ATAD2B: variants seen among roughly 807,000 people sequenced by gnomAD.
The protein encoded by ATAD2B is ATPase family AAA domain containing 2B.
Under a neutral mutation model 167.6 loss-of-function variants are expected in ATAD2B, and 40 were observed. The observed-to-expected ratio is 0.24, with a 90% CI of 0.19 to 0.31. ATAD2B has a LOEUF of 0.31. ATAD2B is among the 10% of genes least tolerant of loss of function. The pLI is 1.00. For missense variants in ATAD2B, 1,242 were observed against 1,757.2 expected (o/e 0.71, Z 5.24); for synonymous variants, 579 against 596.5 (o/e 0.97, Z 0.43).
At chr2:23,856,951 G>A (rs749878414) in intron 13 of ATAD2B, among the ~76,000 whole-genome samples, 1 of 151,416 alleles carries the variant, frequency 6.6e-6, no homozygotes, top group South Asian at 2.1e-4. Context: ...GCTCACGCCT[G>A]TAATCTCGGC....
intron 1 of ATAD2B, among the ~76,000 whole-genome samples, chr2:23,909,525 T>C (rs1052001471): frequency 6.6e-6 from 1 of 151,948 alleles, no homozygotes; most frequent in Non-Finnish European, 1.5e-5. Context: ...ACATTGCACA[T>C]GTACCTATGG....
At chr2:23,717,394 A>G in the ATAD2B span, among the ~76,000 whole-genome samples, 2 of 152,190 alleles carry the variant, frequency 1.3e-5, no homozygotes, top group Non-Finnish European at 2.9e-5. Context: ...AACCAGCCCA[A>G]GGCTTCTTCC....
the ATAD2B span, among the ~76,000 whole-genome samples, chr2:23,714,277 TTG>T: frequency 6.6e-6 from 1 of 150,928 alleles, no homozygotes; most frequent in Admixed American, 6.6e-5. Flanking sequence ...TCTTGCTCTG[TTG>T]CCTAGACTGG....
intron 22 of ATAD2B, among the ~76,000 whole-genome samples, chr2:23,775,448 G>A (rs1033840870): frequency 5.3e-5 from 8 of 151,970 alleles, no homozygotes; most frequent in African/African-American, 9.7e-5. Context: ...TCTTGCCCTC[G>A]TGATCCGCCC....
intron 1 of ATAD2B, among the ~76,000 whole-genome samples, chr2:23,921,205 CAAAAA>C (rs61004964): frequency 1.2e-4 from 4 of 32,288 alleles, no homozygotes; most frequent in Admixed American, 5.7e-4. Flanking sequence ...GACTCCATCT[CAAAAA>C]AAAAAAAAAA....
At chr2:23,754,434 A>G in intron 26 of ATAD2B, 127 bp from the exon 27 acceptor site, 1 of 1,182,594 alleles carries the variant, frequency 8.5e-7, no homozygotes, top group Non-Finnish European at 1.2e-6. Context: ...AAATTAAAAG[A>G]TTTGAGGGCT....
intron 1 of ATAD2B, among the ~76,000 whole-genome samples, chr2:23,917,602 A>AT (rs943954804): frequency 5.6e-4 from 81 of 145,258 alleles, no homozygotes; most frequent in East Asian, 8.0e-4. Flanking sequence ...GCTTACCGGG[A>AT]TTTTTTTTTT....
intron 18 of ATAD2B, among the ~76,000 whole-genome samples, chr2:23,807,161 T>C (rs112005581): frequency 3.9e-5 from 6 of 152,166 alleles, no homozygotes; most frequent in African/African-American, 7.2e-5. Context: ...GATCAGATCA[T>C]GGGAGCTGAG....
At chr2:23,911,213 C>T (rs1416909699) in intron 1 of ATAD2B, among the ~76,000 whole-genome samples, 1 of 148,920 alleles carries the variant, frequency 6.7e-6, no homozygotes, top group Non-Finnish European at 1.5e-5. Flanking sequence ...AAGAGCGAAA[C>T]TCCGTCTGGA....
At chr2:23,802,720 A>G (rs767253071) in intron 18 of ATAD2B, among the ~76,000 whole-genome samples, 10 of 152,082 alleles carry the variant, frequency 6.6e-5, no homozygotes, top group Non-Finnish European at 1.5e-4. Flanking sequence ...CAAAATATAC[A>G]CAGACTGCTA....
intron 16 of ATAD2B, among the ~76,000 whole-genome samples, chr2:23,820,475 A>C (rs1484198201): frequency 6.6e-6 from 1 of 150,566 alleles, no homozygotes; most frequent in Non-Finnish European, 1.5e-5. Context: ...TAAAATCTCT[A>C]CTGAGAATGC....
rs549775865 is a variant in ATAD2B, at chr2:23,804,237, A to G, written c.2455-5914T>C. On this transcript the variant is annotated intron_variant, in intron 18 of 27. Transcript: ENST00000238789. ...CTTCTTGCCGAATTTGTTAGCAAAGATAGTGTTATATTTATGAATGTAAAA... is the reference window on the plus strand; with the variant it reads ...CTTCTTGCCGAATTTGTTAGCAAAGGTAGTGTTATATTTATGAATGTAAAA... Among the ~76,000 whole-genome samples the G allele has an allele frequency of 2.0e-5, 3 of 152,324 alleles. No individual in the cohort carries two copies. In the South Asian group the frequency reaches 6.2e-4, roughly 32 times the overall value.
chr2:23,836,288 C>T (rs1456965776), intron 13 of ATAD2B, among the ~76,000 whole-genome samples: 4 of 152,164 alleles, frequency 2.6e-5, no homozygotes. Flanking sequence ...GGACCAGGCA[C>T]ACTGCAAGCA....
the ATAD2B span, among the ~76,000 whole-genome samples, chr2:23,733,495 A>G: frequency 1.3e-5 from 2 of 152,180 alleles, no homozygotes; most frequent in Admixed American, 1.3e-4. Context: ...ATTCGTGCTC[A>G]TGGTTTGAAC....
intron 17 of ATAD2B, among the ~76,000 whole-genome samples, chr2:23,814,639 T>C (rs1409047683): frequency 3.9e-5 from 6 of 152,138 alleles, no homozygotes; most frequent in Non-Finnish European, 8.8e-5. Flanking sequence ...GTTTTGTTTG[T>C]TTGTTTTGAA....
intron 9 of ATAD2B, among the ~76,000 whole-genome samples, chr2:23,869,335 G>C (rs1028159428): frequency 2.0e-5 from 3 of 152,142 alleles, no homozygotes; most frequent in Non-Finnish European, 2.9e-5. Context: ...ATCATTATAA[G>C]TACCTAAAAT....
chr2:23,787,201 T>C (rs1558531674), intron 20 of ATAD2B, among the ~76,000 whole-genome samples: 1 of 152,190 alleles, frequency 6.6e-6, no homozygotes, highest in Admixed American at 6.5e-5. Context: ...CTTTCCTAAT[T>C]ACAACGTTCT....
At chr2:23,728,539 G>C in the ATAD2B span, among the ~76,000 whole-genome samples, 1 of 152,092 alleles carries the variant, frequency 6.6e-6, no homozygotes, top group African/African-American at 2.4e-5. Flanking sequence ...AAAACCAAAA[G>C]AAACTAACTA....
intron 13 of ATAD2B, among the ~76,000 whole-genome samples, chr2:23,837,064 G>A (rs527823318): frequency 1.2e-4 from 18 of 152,262 alleles, no homozygotes; most frequent in Middle Eastern, 3.4e-3. Context: ...CAAGCTGTTC[G>A]TGCCAAGGGG....
Sources: allele counts gnomAD v4.1 joint callset (sites outside exome capture counted in the v4.1 genomes callset), GRCh38; gene constraint gnomAD v4.1.1; transcripts MANE v1.5; gene names NCBI Gene and HGNC (gene_info 2026-07-23, HGNC 2026-07-21).